HDAC8: variants seen among roughly 807,000 people sequenced by gnomAD.
HDAC8 encodes histone deacetylase-like 1.
In HDAC8, 1 loss-of-function variant was observed where a neutral mutation model predicts 32.2. The observed-to-expected ratio is 0.03, with a 90% CI of 0.01 to 0.15. HDAC8 has a LOEUF of 0.15. HDAC8 is among the 10% of genes least tolerant of loss of function. The pLI, the probability that HDAC8 is intolerant of heterozygous loss-of-function variation, is 1.00. For synonymous variants in HDAC8, 108 were observed against 113.9 expected (o/e 0.95, Z 0.33); for missense variants, 117 against 300.0 (o/e 0.39, Z 4.51).
chrX:72,443,998 T>A (rs1270946117), intron 9 of HDAC8, among the ~76,000 whole-genome samples: 2 of 108,693 alleles, frequency 1.8e-5, no homozygotes, highest in Non-Finnish European at 3.8e-5. Flanking sequence ...AGAAGTTGAA[T>A]CTCTGAATAG....
chrX:72,525,955 T>C (rs782321724), intron 4 of HDAC8, among the ~76,000 whole-genome samples: 20 of 108,799 alleles, frequency 1.8e-4, no homozygotes, highest in Non-Finnish European at 1.7e-4. Context: ...TCACTAGCCA[T>C]GTGTGGTGGC....
intron 4 of HDAC8, among the ~76,000 whole-genome samples, chrX:72,495,998 C>T (rs1230519899): frequency 6.3e-5 from 7 of 111,700 alleles, no homozygotes; most frequent in African/African-American, 1.3e-4. Flanking sequence ...AAGGTTAACC[C>T]GCTCTTTTAC....
chrX:72,340,916 G>A (rs2043871774), intron 10 of HDAC8, among the ~76,000 whole-genome samples: 1 of 111,825 alleles, frequency 8.9e-6, no homozygotes, highest in Admixed American at 9.5e-5. Flanking sequence ...GAGAGCTCAA[G>A]GGCCTGTGAA....
At chrX:72,504,935 T>C (rs1033188547) in intron 4 of HDAC8, among the ~76,000 whole-genome samples, 1 of 111,657 alleles carries the variant, frequency 9.0e-6, no homozygotes, top group African/African-American at 3.2e-5. Context: ...CTTGTGGATC[T>C]GGTTTGCATT....
chrX:72,453,893 A>G (rs782232268), intron 9 of HDAC8, among the ~76,000 whole-genome samples: 105 of 112,682 alleles, frequency 9.3e-4, no homozygotes, highest in Middle Eastern at 4.6e-3. Context: ...ATGAAATAAT[A>G]TCTTTGAAGT....
intron 4 of HDAC8, among the ~76,000 whole-genome samples, chrX:72,527,373 G>A (rs2050184499): frequency 8.9e-6 from 1 of 111,883 alleles, no homozygotes; most frequent in Non-Finnish European, 1.9e-5. Flanking sequence ...CCACAGCCCA[G>A]TTGAGTTTAG....
intron 9 of HDAC8, among the ~76,000 whole-genome samples, chrX:72,430,588 T>G (rs2046785028): frequency 8.9e-6 from 1 of 112,391 alleles, no homozygotes; most frequent in Admixed American, 9.4e-5. Context: ...TAGCACATAC[T>G]GCTATTATTG....
chrX:72,474,055 A>G lies in HDAC8; in HGVS notation c.738-9324T>C, dbSNP rs1319530977. 8 of 672,385 alleles carry G rather than the reference A, an allele frequency of 1.2e-5. No individual in the cohort carries two copies. In the East Asian group the frequency reaches 1.3e-3, roughly 107 times the overall value. 55.4% of individuals were successfully genotyped at this position (672,385 alleles called of 1,213,427 possible). On this transcript the variant is annotated intron_variant, in intron 7 of 10. Coordinates refer to ENST00000373573, the MANE Select transcript of HDAC8 (RefSeq NM_018486.3). ...CTGTGTGTAGAACATCCTTCCCTACAATCTCTGTATATTCAAACTTGACCC... is the reference window on the plus strand; with the variant it reads ...CTGTGTGTAGAACATCCTTCCCTACGATCTCTGTATATTCAAACTTGACCC...
rs781943182 is a variant in HDAC8, at chrX:72,462,038, C to T, written c.971G>A (p.Gly324Glu). 1 of 1,209,237 alleles carries T rather than the reference C, an allele frequency of 8.3e-7. No homozygotes were observed. The highest frequency in any genetic ancestry group is 2.2e-5 in the Admixed American group (1 of 45,926). The change falls in exon 9 of 11, where the codon GGG becomes GAG. Residue 324 changes from glycine (G) to glutamate (E), a missense_variant. Gly to Glu is a moderately conservative substitution (Grantham distance 98). This residue lies in a region of HDAC8 where 5 missense variants were observed against 39.2 expected (regional missense o/e 0.13). Coordinates refer to ENST00000373573, the MANE Select transcript of HDAC8 (RefSeq NM_018486.3). ...TGGGATCTCAGAGGATAGTGTTTTCCCTAGGATGACCCCGGTCAAGTATGT... is the reference window on the plus strand; with the variant it reads ...TGGGATCTCAGAGGATAGTGTTTTCTCTAGGATGACCCCGGTCAAGTATGT... ...CWTYLTGVILGKTLSSEIPDH... is the reference protein window; with the variant it reads ...CWTYLTGVILEKTLSSEIPDH...
intron 10 of HDAC8, among the ~76,000 whole-genome samples, chrX:72,335,285 A>G (rs2043649218): frequency 8.9e-6 from 1 of 112,338 alleles, no homozygotes; most frequent in African/African-American, 3.2e-5. Flanking sequence ...TGTATCCACC[A>G]TTAGAGTATC....
chrX:72,438,651 G>A (rs782646444), intron 9 of HDAC8, among the ~76,000 whole-genome samples: 47 of 110,913 alleles, frequency 4.2e-4, no homozygotes, highest in Non-Finnish European at 6.6e-4. Flanking sequence ...CACAGCACGA[G>A]AATTTCGTGA....
chrX:72,365,927 A>G (rs781847709), intron 9 of HDAC8, among the ~76,000 whole-genome samples: 1 of 112,216 alleles, frequency 8.9e-6, no homozygotes, highest in South Asian at 3.7e-4. Flanking sequence ...ACTCATTCAC[A>G]TGATACCAAT....
At chrX:72,543,050 G>A (rs1556045002) in intron 4 of HDAC8, among the ~76,000 whole-genome samples, 1 of 111,914 alleles carries the variant, frequency 8.9e-6, no homozygotes, top group East Asian at 2.8e-4. Context: ...AAGTGATAGT[G>A]CTGGGATTCA....
chrX:72,527,512 G>T (rs1317678180), intron 4 of HDAC8, among the ~76,000 whole-genome samples: 1 of 111,573 alleles, frequency 9.0e-6, no homozygotes, highest in Non-Finnish European at 1.9e-5. Context: ...TGTCATTGTG[G>T]TCTATTTTAT....
At chrX:72,483,117 T>C (rs2048560369) in intron 7 of HDAC8, among the ~76,000 whole-genome samples, 1 of 111,979 alleles carries the variant, frequency 8.9e-6, no homozygotes, top group South Asian at 3.7e-4. Context: ...CAAGAATGCA[T>C]GTCAAATGTT....
intron 4 of HDAC8, among the ~76,000 whole-genome samples, chrX:72,554,026 A>G (rs1321788827): frequency 8.9e-6 from 1 of 112,388 alleles, no homozygotes; most frequent in Non-Finnish European, 1.9e-5. Context: ...AAAAAAATCA[A>G]TTAGAACAGT....
At chrX:72,335,908 C>G (rs1177878364) in intron 10 of HDAC8, among the ~76,000 whole-genome samples, 1 of 94,423 alleles carries the variant, frequency 1.1e-5, no homozygotes, top group Non-Finnish European at 2.0e-5. Flanking sequence ...AACACTGTCT[C>G]TAAAAAAAAA....
At chrX:72,387,821 C>T (rs1293911004) in intron 9 of HDAC8, among the ~76,000 whole-genome samples, 1 of 110,936 alleles carries the variant, frequency 9.0e-6, no homozygotes, top group Admixed American at 9.6e-5. Flanking sequence ...CAGTTTTTGC[C>T]CTTGAATTTA....
intron 9 of HDAC8, among the ~76,000 whole-genome samples, chrX:72,435,225 G>A (rs1381676666): frequency 8.9e-6 from 1 of 112,066 alleles, no homozygotes; most frequent in African/African-American, 3.2e-5. Context: ...CACACTGGGT[G>A]AGAGTCACAT....
Sources: gnomAD v4.1 joint callset for allele counts (sites outside exome capture counted in the v4.1 genomes callset) on GRCh38, gnomAD v4.1.1 for gene constraint, gnomAD v4.1.1 regional missense constraint, MANE v1.5 for transcripts, NCBI Gene and HGNC (gene_info 2026-07-23, HGNC 2026-07-21) for gene names.